MTRF1L: variants seen among roughly 807,000 people sequenced by gnomAD.
MTRF1L encodes peptide chain release factor 1-like, mitochondrial.
In MTRF1L, 29 loss-of-function variants were observed where a neutral mutation model predicts 40.0. That is an observed-to-expected ratio of 0.73 (90% CI 0.54 to 0.99). The LOEUF (loss-of-function observed/expected upper bound fraction) is 0.99, where lower values mean the gene tolerates loss of function less well. Among genes scored for constraint, MTRF1L ranks in the 50% least tolerant of loss-of-function variants. MTRF1L has a pLI of 0.00. For synonymous variants in MTRF1L, 150 were observed against 175.8 expected, an observed-to-expected ratio of 0.85 and a Z score of 1.16; for missense variants, 412 against 464.5, an observed-to-expected ratio of 0.89 and a Z score of 1.04.
chr6:152,993,005 G>C, intron 4 of MTRF1L, 31 bp from the exon 5 acceptor site: 1 of 1,538,518 alleles, frequency 6.5e-7, no homozygotes, highest in Middle Eastern at 1.7e-4. Context: ...GATTTTAAAA[G>C]ATTACATGTA....
chr6:152,991,848 C>G (rs1778535718), intron 5 of MTRF1L, among the ~76,000 whole-genome samples: 1 of 152,188 alleles, frequency 6.6e-6, no homozygotes, highest in African/African-American at 2.4e-5. Flanking sequence ...CGCGCCCGGC[C>G]TAGCACAAAG....
Position 152,990,078 on chromosome 6 carries a change from T to C in MTRF1L, c.960A>G (p.Arg320=). 1.2e-6 allele frequency: 2 copies of C among 1,613,930 alleles called. No individual in the cohort carries two copies. The highest frequency in any genetic ancestry group is 8.5e-7 in the Non-Finnish European group (1 of 1,179,946). The change falls in exon 7 of 7, where the codon AGA becomes AGG. Residue 320 remains arginine, a synonymous_variant. Transcript: ENST00000367233. The part of the protein sequence containing the change: ...ARKIQIGSKG[R]SEKIRTYNFP... Reference sequence around the variant, plus strand: ...AATTATATGTTCTTATTTTCTCTGATCTTCCTTTACTTCCAATCTGTATAT... The same window carrying C: ...AATTATATGTTCTTATTTTCTCTGACCTTCCTTTACTTCCAATCTGTATAT...
In MTRF1L at chr6:152,989,906, G is replaced by T. The variant is rs764423680; in HGVS notation, c.1132C>A (p.Gln378Lys). The change falls in exon 7 of 7, where the codon CAA becomes AAA. Residue 378 changes from glutamine (Q) to lysine (K), a missense_variant. Transcript: ENST00000367233. ...AATAACAAATCAACTTAAACTTTTT[G>T]GGAAATAATTTCTACTAAAGATTCA... ...DYESLVEIIS[Q>K]KV The T allele has an allele frequency of 6.2e-7, 1 of 1,609,712 alleles. No homozygotes were observed.
At position 152,989,972 on chromosome 6, in the gene MTRF1L, G is replaced by A. The variant is rs1185561769; in HGVS notation, c.1066C>T (p.Leu356=). ...LETFMQGDYL[L]DELVQSLKEY... The stretch of plus-strand genomic sequence containing the variant: ...TTCAATGACTGTACAAGTTCATCCA[G>A]TAGATAATCTCCTTGCATAAAAGTT... Residue 356 remains leucine (L), a synonymous_variant, in exon 7 of 7, where the codon CTG becomes TTG. Transcript: ENST00000367233. The A allele has an allele frequency of 3.7e-6, 6 of 1,613,592 alleles. No homozygotes were observed. The highest frequency in any genetic ancestry group is 5.1e-6 in the Non-Finnish European group (6 of 1,179,852).
chr6:153,000,474 C>A (rs1285942070), intron 1 of MTRF1L, among the ~76,000 whole-genome samples: 1 of 152,172 alleles, frequency 6.6e-6, no homozygotes, highest in Non-Finnish European at 1.5e-5. Context: ...AGGAGTTACT[C>A]ACAGGCAATG....
intron 1 of MTRF1L, among the ~76,000 whole-genome samples, chr6:153,001,021 G>A (rs1778897860): frequency 6.6e-6 from 1 of 151,850 alleles, no homozygotes; most frequent in South Asian, 2.1e-4. Context: ...CCACAGGCAC[G>A]CACCACCATG....
rs1778433084 is a variant in MTRF1L at position 152,989,734 on chromosome 6, T to C, written c.*161A>G. On this transcript the variant is annotated 3_prime_UTR_variant, in exon 7 of 7. Coordinates refer to ENST00000367233, the MANE Select transcript of MTRF1L (RefSeq NM_019041.7). ...ATATTGTATGATTTTTGCTAATGCA[T>C]TGAGAGAGATCTGTGTAAATTATCT... 4 of 697,488 alleles carry C rather than the reference T, an allele frequency of 5.7e-6. No individual in the cohort carries two copies. The East Asian group carries it at 8.4e-5, about 15-fold the overall frequency. The allele number at this position is 697,488 out of a possible 1,614,324, so 43.2% of individuals were successfully genotyped here.
At chr6:152,998,991 G>A (rs1191186703) in intron 1 of MTRF1L, among the ~76,000 whole-genome samples, 5 of 152,044 alleles carry the variant, frequency 3.3e-5, no homozygotes, top group African/African-American at 9.7e-5. Context: ...AATAACGAAT[G>A]CATTTAGCTA....
chr6:153,002,379 A>G, intron 1 of MTRF1L, 48 bp downstream of exon 1: 2 of 1,613,742 alleles, frequency 1.2e-6, no homozygotes, highest in Non-Finnish European at 1.7e-6. Flanking sequence ...AGTCAAACGA[A>G]GAGTCAAGAA....
At chr6:152,991,116 T>C (rs1778495744) in intron 6 of MTRF1L, 69 bp downstream of exon 6, 1 of 1,107,350 alleles carries the variant, frequency 9.0e-7, no homozygotes, top group Non-Finnish European at 1.3e-6. Flanking sequence ...AACCAAGTTA[T>C]TTAAAAAAAG....
rs770668095 is a variant in MTRF1L at position 152,989,870 on chromosome 6, G to A, written c.*25C>T. 7.0e-6 allele frequency: 11 copies of A among 1,577,414 alleles called. No individual in the cohort carries two copies. Among genetic ancestry groups the A allele is most frequent in the East Asian group, 4.5e-5 (2 of 44,686 alleles). On this transcript the variant is annotated 3_prime_UTR_variant, in exon 7 of 7. Transcript: ENST00000367233. ...GTACTGTAGAATTTTTCTAAGCTACGAAAGTCTATAAATAACAAATCAACT... is the reference window on the plus strand; with the variant it reads ...GTACTGTAGAATTTTTCTAAGCTACAAAAGTCTATAAATAACAAATCAACT...
chr6:152,989,822 G>A lies in MTRF1L; in HGVS notation c.*73C>T. 6.8e-7 allele frequency: 1 copy of A among 1,477,092 alleles called. No individual in the cohort carries two copies. Among genetic ancestry groups the A allele is most frequent in the Non-Finnish European group, 9.0e-7 (1 of 1,107,728 alleles). 91.5% of individuals were successfully genotyped at this position (1,477,092 alleles called of 1,614,324 possible). A position where few individuals can be genotyped will look rare whatever the true frequency, so the allele number is the denominator to read the frequency against. On this transcript the variant is annotated 3_prime_UTR_variant, in exon 7 of 7. Coordinates refer to ENST00000367233, the MANE Select transcript of MTRF1L (RefSeq NM_019041.7). ...AACTCAACGTTTTTCAAGAGAGTAA[G>A]GGTACTTTCACCCTATGTGGATGTA... is the stretch of plus-strand genomic sequence containing the variant.
intron 5 of MTRF1L, 59 bp downstream of exon 5, chr6:152,992,798 G>C (rs1440734863): frequency 8.0e-7 from 1 of 1,255,558 alleles, no homozygotes; most frequent in East Asian, 2.4e-5. Flanking sequence ...TGGAAAATTA[G>C]TCATATTATT....
Position 152,995,218 on chromosome 6 carries a change from T to C in MTRF1L, c.441A>G (p.Ser147=). The change falls in exon 3 of 7, where the codon TCA becomes TCG. Residue 147 remains serine, a synonymous_variant. Transcript: ENST00000367233. ...VGGQEAMLFT[S]EIFDMYQQYA... ...ATTGCTGATACATATCAAATATCTC[T>C]GATGTAAACAACATTGCCTCCTGAC... The C allele has an allele frequency of 1.9e-6, 3 of 1,609,732 alleles. No individual in the cohort carries two copies. The highest frequency in any genetic ancestry group is 2.5e-6 in the Non-Finnish European group (3 of 1,177,498).
At position 153,002,644 on chromosome 6, in the gene MTRF1L, C is replaced by A; in HGVS notation, c.42G>T (p.Trp14Cys). The stretch of plus-strand genomic sequence containing the variant: ...GGGCTGGGCCAACGGCCCGGCGGGG[C>A]CAGAGCCACCGGGCAGCGCCCCACA... ...RVLWGAARWL[W>C]PRRAVGPARR... The change falls in exon 1 of 7, where the codon TGG (tryptophan) becomes TGT (cysteine). Residue 14 changes from tryptophan to cysteine, a missense_variant. Trp to Cys is a radical substitution (Grantham distance 215, BLOSUM62 -2). Coordinates refer to ENST00000367233, the MANE Select transcript of MTRF1L (RefSeq NM_019041.7). 6.6e-7 allele frequency: 1 copy of A among 1,513,988 alleles called. No homozygotes were observed. Among genetic ancestry groups the A allele is most frequent in the Non-Finnish European group, 8.8e-7 (1 of 1,134,348 alleles). 93.8% of individuals were successfully genotyped at this position (1,513,988 alleles called of 1,614,324 possible). A position where few individuals can be genotyped will look rare whatever the true frequency, so the allele number is the denominator to read the frequency against.
intron 6 of MTRF1L, chr6:152,990,318 A>G (rs1448710531): frequency 6.2e-6 from 4 of 647,872 alleles, no homozygotes; most frequent in African/African-American, 3.7e-5. Context: ...AGCCACTTCA[A>G]TGTTCTATGA....
chr6:153,001,761 C>G (rs1187436954), intron 1 of MTRF1L, among the ~76,000 whole-genome samples: 1 of 152,174 alleles, frequency 6.6e-6, no homozygotes, highest in Non-Finnish European at 1.5e-5. Context: ...TTTCAACTGC[C>G]TCCTCCCTGG....
chr6:152,996,867 C>G (rs1314237353), intron 2 of MTRF1L, among the ~76,000 whole-genome samples: 1 of 152,140 alleles, frequency 6.6e-6, no homozygotes, highest in East Asian at 1.9e-4. Context: ...AGTCTACTAT[C>G]ACTCTAACAG....
intron 1 of MTRF1L, among the ~76,000 whole-genome samples, chr6:153,001,517 T>A (rs913325093): frequency 6.6e-6 from 1 of 152,330 alleles, no homozygotes; most frequent in Non-Finnish European, 1.5e-5. Context: ...CAGGTATTTT[T>A]AACTTAATAT....
Sources: gnomAD v4.1 joint callset for allele counts (sites outside exome capture counted in the v4.1 genomes callset) on GRCh38, gnomAD v4.1.1 for gene constraint, MANE v1.5 for transcripts, NCBI Gene and HGNC (gene_info 2026-07-23, HGNC 2026-07-21) for gene names.